The following EBF2 variants were observed in gnomAD, a reference collection of about 807,000 sequenced individuals.
The protein encoded by EBF2 is EBF transcription factor 2, also known as transcription factor COE2.
A neutral mutation model predicts 72.8 loss-of-function variants in EBF2; 21 were observed. That is an observed-to-expected ratio of 0.29 (90% CI 0.20 to 0.42). The LOEUF (loss-of-function observed/expected upper bound fraction) is 0.42. Among genes scored for constraint, EBF2 ranks in the 10% least tolerant of loss-of-function variants. EBF2 has a pLI of 1.00. For synonymous variants in EBF2, 299 were observed against 274.2 expected, an observed-to-expected ratio of 1.09 and a Z score of -0.89; for missense variants, 637 against 731.2, an observed-to-expected ratio of 0.87 and a Z score of 1.49.
chr8:25,926,607 T>G lies in EBF2; in HGVS notation c.552-18052A>C, dbSNP rs562829225. Among the ~76,000 whole-genome samples, 14 of 152,238 alleles carry G rather than the reference T, an allele frequency of 9.2e-5. No homozygotes were observed. In the South Asian group the frequency reaches 2.7e-3, roughly 29 times the overall value. ...CCATTTAGTCCAGAAAGTCTGCATATTGATCCCATCTCTATGACACTCATT... is the reference window on the plus strand; with the variant it reads ...CCATTTAGTCCAGAAAGTCTGCATAGTGATCCCATCTCTATGACACTCATT... On this transcript the variant is annotated intron_variant, in intron 6 of 15. Transcript: ENST00000520164.
intron 6 of EBF2, among the ~76,000 whole-genome samples, chr8:25,932,855 A>G (rs1803507812): frequency 1.3e-5 from 2 of 152,170 alleles, no homozygotes; most frequent in South Asian, 4.1e-4. Context: ...TAAAAGCTGA[A>G]CTTAATAATA....
At chr8:25,854,227 A>G (rs1475947134) in intron 14 of EBF2, among the ~76,000 whole-genome samples, 1 of 118,188 alleles carries the variant, frequency 8.5e-6, no homozygotes. Context: ...TCTAATACCA[A>G]CCCCCACCTC....
chr8:25,972,556 CAT>C (rs1429200362), intron 6 of EBF2, among the ~76,000 whole-genome samples: 1 of 152,144 alleles, frequency 6.6e-6, no homozygotes, highest in Non-Finnish European at 1.5e-5. Context: ...TGGATTATTT[CAT>C]AGACTGTCAG....
rs543061101 is a variant in EBF2, at chr8:25,943,671, G to T, written c.552-35116C>A. ...TTAGTTCCAGGGACCTTCCCCATGG[G>T]TTAGGTAAAACTCCTCGTCCCTTAA... On this transcript the variant is annotated intron_variant, in intron 6 of 15. Coordinates refer to ENST00000520164, the MANE Select transcript of EBF2 (RefSeq NM_022659.4). 5.9e-5 allele frequency among the ~76,000 whole-genome samples: 9 copies of T among 152,222 alleles called. No homozygotes were observed. In the East Asian group the frequency reaches 1.7e-3, roughly 29 times the overall value.
intron 10 of EBF2, among the ~76,000 whole-genome samples, chr8:25,865,792 G>C (rs1238214363): frequency 6.6e-6 from 1 of 151,360 alleles, no homozygotes; most frequent in Non-Finnish European, 1.5e-5. Flanking sequence ...TTGGGAGGCT[G>C]AGGCGGGCAG....
Position 25,989,557 on chromosome 8 carries a change from T to C in EBF2, c.551+43528A>G, listed in dbSNP as rs564657937. 3.3e-5 allele frequency among the ~76,000 whole-genome samples: 5 copies of C among 152,374 alleles called. No homozygotes were observed. The East Asian group carries it at 9.6e-4, about 29-fold the overall frequency. On this transcript the variant is annotated intron_variant, in intron 6 of 15. Coordinates refer to ENST00000520164, the MANE Select transcript of EBF2 (RefSeq NM_022659.4). ...TTTCAGAGACTATAGACATTTTACA[T>C]TTGTCCTCATATGCCGGAGGCGCTT...
At position 26,033,096 on chromosome 8, in the gene EBF2, G is replaced by A. The variant is rs370044393; in HGVS notation, c.540C>T (p.Val180=). 9.3e-6 allele frequency: 15 copies of A among 1,614,004 alleles called. No homozygotes were observed. Among genetic ancestry groups the A allele is most frequent in the Non-Finnish European group, 1.2e-5 (14 of 1,179,996 alleles). ...GNRNETPSDP[V]IIDRFFLKFF... is the part of the protein sequence containing the mutation. ...CTTTTTCCCCCTACCTGTCAATTAT[G>A]ACTGGGTCCGATGGAGTCTCATTTC... Residue 180 remains valine (V), a synonymous_variant, in exon 6 of 16, where the codon GTC becomes GTT. Coordinates refer to ENST00000520164, the MANE Select transcript of EBF2 (RefSeq NM_022659.4).
At chr8:25,866,270 C>T (rs1802312962) in intron 10 of EBF2, among the ~76,000 whole-genome samples, 1 of 151,262 alleles carries the variant, frequency 6.6e-6, no homozygotes, top group African/African-American at 2.4e-5. Flanking sequence ...TTGTTTTTCT[C>T]TGAATGGGAA....
At chr8:26,029,666 G>C (rs1398575414) in intron 6 of EBF2, among the ~76,000 whole-genome samples, 1 of 152,200 alleles carries the variant, frequency 6.6e-6, no homozygotes, top group African/African-American at 2.4e-5. Context: ...ACTGCATCTG[G>C]TAAGGTTAGG....
chr8:26,023,236 C>T (rs1028424430), intron 6 of EBF2, among the ~76,000 whole-genome samples: 3 of 152,294 alleles, frequency 2.0e-5, no homozygotes, highest in Admixed American at 6.5e-5. Context: ...CCAGGCTCCA[C>T]GACCTTTGTT....
Position 25,889,686 on chromosome 8 carries a change from A to G in EBF2, c.751+66T>C, listed in dbSNP as rs1249270309. 4.0e-6 allele frequency: 5 copies of G among 1,262,216 alleles called. No homozygotes were observed. The African/African-American group carries it at 7.4e-5, about 19-fold the overall frequency. The allele number at this position is 1,262,216 out of a possible 1,614,324, so 78.2% of individuals were successfully genotyped here. On this transcript the variant is annotated intron_variant, in intron 8 of 15. Transcript: ENST00000520164. ...GCTCTGACTCCAAGACATAAATTTG[A>G]AGTTCGAACAAGGAAATTCGTGGAG...
chr8:25,889,237 T>G (rs891856068), intron 8 of EBF2, among the ~76,000 whole-genome samples: 8 of 152,216 alleles, frequency 5.3e-5, no homozygotes, highest in African/African-American at 1.9e-4. Context: ...TATACTTTAA[T>G]TTTTTGGACA....
At chr8:25,847,403 G>A (rs1801862054) in intron 15 of EBF2, among the ~76,000 whole-genome samples, 1 of 152,146 alleles carries the variant, frequency 6.6e-6, no homozygotes, top group Non-Finnish European at 1.5e-5. Flanking sequence ...TGCATTAAAT[G>A]TCAGCTTGGT....
intron 6 of EBF2, among the ~76,000 whole-genome samples, chr8:25,990,433 T>C (rs1164594530): frequency 6.6e-6 from 1 of 152,124 alleles, no homozygotes; most frequent in Non-Finnish European, 1.5e-5. Flanking sequence ...CAATCTGGGA[T>C]GAAAAATTAA....
chr8:25,944,935 T>C (rs1259328033), intron 6 of EBF2, among the ~76,000 whole-genome samples: 2 of 152,152 alleles, frequency 1.3e-5, no homozygotes, highest in African/African-American at 4.8e-5. Context: ...ATACCAGTGT[T>C]CAGGACTGCT....
chr8:26,036,368 A>G (rs992637532), intron 5 of EBF2, among the ~76,000 whole-genome samples: 5 of 152,222 alleles, frequency 3.3e-5, no homozygotes, highest in Non-Finnish European at 7.3e-5. Context: ...CAACAGTAAC[A>G]TATTTAAATA....
intron 10 of EBF2, among the ~76,000 whole-genome samples, chr8:25,870,438 T>A (rs1223895849): frequency 2.6e-5 from 4 of 152,066 alleles, no homozygotes; most frequent in Non-Finnish European, 4.4e-5. Flanking sequence ...TCTGCATGGC[T>A]GTCCCCCACC....
chr8:25,960,060 A>T (rs1256646599), intron 6 of EBF2, among the ~76,000 whole-genome samples: 1 of 152,162 alleles, frequency 6.6e-6, no homozygotes, highest in Non-Finnish European at 1.5e-5. Flanking sequence ...TAAAGCAGTG[A>T]TCTTCATGTA....
chr8:25,971,220 T>C (rs1804184285), intron 6 of EBF2, among the ~76,000 whole-genome samples: 1 of 152,146 alleles, frequency 6.6e-6, no homozygotes, highest in Admixed American at 6.5e-5. Flanking sequence ...TGGAAAAATC[T>C]AGATGGAATT....
Sources: allele counts gnomAD v4.1 joint callset (sites outside exome capture counted in the v4.1 genomes callset), GRCh38; gene constraint gnomAD v4.1.1; transcripts MANE v1.5; gene names NCBI Gene and HGNC (gene_info 2026-07-23, HGNC 2026-07-21).